Variants in TUBB1 observed in about 807,000 individuals in gnomAD.
The protein encoded by TUBB1 is tubulin beta-1 chain.
TUBB1 carries 28 observed loss-of-function variants against 22.6 expected under a neutral mutation model. The ratio of observed to expected loss-of-function variants is 1.24; its 90% CI spans 0.92 to 1.70. The LOEUF (loss-of-function observed/expected upper bound fraction) is 1.70, where lower values mean the gene tolerates loss of function less well. Ranked by LOEUF, TUBB1 falls within the 40% of genes most tolerant of loss-of-function variation. TUBB1 has a pLI of 0.00. For missense variants in TUBB1, 577 were observed against 605.5 expected (o/e 0.95, Z 0.49); for synonymous variants, 226 against 238.0 (o/e 0.95, Z 0.46).
chr20:59,019,274 G>A, upstream of TUBB1: 1 of 583,896 alleles, frequency 1.7e-6, no homozygotes, highest in Non-Finnish European at 3.1e-6. Flanking sequence ...TCTGTGTTGA[G>A]GGAGGAAAAA....
intron 1 of TUBB1, among the ~76,000 whole-genome samples, chr20:59,022,163 C>T (rs1601237348): frequency 6.6e-6 from 1 of 151,428 alleles, no homozygotes; most frequent in Non-Finnish European, 1.5e-5. Flanking sequence ...GGTGAAACCC[C>T]GTGTCTACTA....
chr20:59,021,956 C>T (rs62205397), intron 1 of TUBB1, among the ~76,000 whole-genome samples: 22,252 of 151,506 alleles, frequency 0.15, 1,719 homozygotes, highest in Non-Finnish European at 0.16. Context: ...GATTGTGCTA[C>T]GGCACTCCAG....
chr20:59,019,464 T>C lies in TUBB1; in HGVS notation c.-59T>C. 2 of 1,600,908 alleles carry C rather than the reference T, an allele frequency of 1.2e-6. No individual in the cohort carries two copies. Among genetic ancestry groups the C allele is most frequent in the Non-Finnish European group, 1.7e-6 (2 of 1,168,066 alleles). On this transcript the variant is annotated 5_prime_UTR_variant, in exon 1 of 4. Transcript: ENST00000217133. Reference sequence around the variant, plus strand: ...TGGGCTCACACCAGTGAACCGAAGCTCTGGATTCTGAGAGTCTGAGGATTC... The same window carrying C: ...TGGGCTCACACCAGTGAACCGAAGCCCTGGATTCTGAGAGTCTGAGGATTC...
rs774969714 is a variant in TUBB1, at chr20:59,024,700, T to C, written c.1273T>C (p.Phe425Leu). ...IHDLVSEYQQ[F>L]QDAKAVLEED... ...TGATTTGGTATCCGAGTACCAACAA[T>C]TTCAAGATGCCAAAGCAGTTCTAGA... The change falls in exon 4 of 4, where the codon TTT becomes CTT. Residue 425 changes from phenylalanine (F) to leucine (L), a missense_variant. Physicochemically the swap from Phe to Leu is conservative, Grantham distance 22. Coordinates refer to ENST00000217133, the MANE Select transcript of TUBB1 (RefSeq NM_030773.4). This position sits in a 1 kb window ranked among gnomAD's most constrained non-coding sequence, Gnocchi z 4.9. 7 of 1,613,958 alleles carry C rather than the reference T, an allele frequency of 4.3e-6. No homozygotes were observed. Among genetic ancestry groups the C allele is most frequent in the Non-Finnish European group, 5.9e-6 (7 of 1,180,038 alleles).
Position 59,023,840 on chromosome 20 carries a change from C to A in TUBB1, c.413C>A (p.Ser138Tyr). ...DCLQGFQIVH[S>Y]LGGGTGSGMG... ...CTGCAGGGCTTCCAGATCGTCCACT[C>A]CCTGGGCGGGGGCACAGGCTCCGGG... Residue 138 changes from serine to tyrosine, a missense_variant, in exon 4 of 4, where the codon TCC (serine) becomes TAC (tyrosine). Transcript: ENST00000217133. 1 of 1,614,144 alleles carries A rather than the reference C, an allele frequency of 6.2e-7. No homozygotes were observed. The highest frequency in any genetic ancestry group is 1.1e-5 in the South Asian group (1 of 91,070).
rs780179652 is a variant in TUBB1 at position 59,022,806 on chromosome 20, T to C, written c.58-39T>C. The C allele has an allele frequency of 6.3e-6, 10 of 1,592,726 alleles. No homozygotes were observed. The South Asian group carries it at 8.8e-5, about 14-fold the overall frequency. ...TTTCTCTGTGGTTAACACAGCCTTT[T>C]TCGGGGTCCGTTTACTCTGACCTTC... On this transcript the variant is annotated intron_variant, in intron 1 of 3. Transcript: ENST00000217133.
chr20:59,019,390 A>C, upstream of TUBB1: 1 of 1,008,324 alleles, frequency 9.9e-7, no homozygotes, highest in Non-Finnish European at 1.6e-6. Flanking sequence ...TCACATTGTG[A>C]GGGTAGCTTG....
Position 59,022,808 on chromosome 20 carries a change from C to T in TUBB1, c.58-37C>T, listed in dbSNP as rs199813033. 56 of 1,590,356 alleles carry T rather than the reference C, an allele frequency of 3.5e-5. 2 individuals are homozygous for T. The highest frequency in any genetic ancestry group is 3.3e-4 in the South Asian group (30 of 90,378). On this transcript the variant is annotated intron_variant, in intron 1 of 3. Transcript: ENST00000217133. Reference sequence around the variant, plus strand: ...TCTCTGTGGTTAACACAGCCTTTTTCGGGGTCCGTTTACTCTGACCTTCCT... The same window carrying T: ...TCTCTGTGGTTAACACAGCCTTTTTTGGGGTCCGTTTACTCTGACCTTCCT...
At chr20:59,022,000 T>C (rs916598452) in intron 1 of TUBB1, among the ~76,000 whole-genome samples, 456 of 146,176 alleles carry the variant, frequency 3.1e-3, no homozygotes, top group Non-Finnish European at 4.4e-3. Context: ...TGTCTCAAAA[T>C]AAATAAATAA....
At chr20:59,019,274 G>C (rs2091957274), upstream of TUBB1, 1 of 583,778 alleles carries the variant, frequency 1.7e-6, no homozygotes, top group Admixed American at 2.8e-5. Context: ...TCTGTGTTGA[G>C]GGAGGAAAAA....
chr20:59,022,871 C>A lies in TUBB1; in HGVS notation c.84C>A (p.His28Gln). ...TCTGGGAGATGATTGGTGAGGAACA[C>A]GGGATCGACTTGGCTGGGAGCGACC... The part of the protein sequence containing the change: ...AKFWEMIGEE[H>Q]GIDLAGSDRG... Residue 28 changes from histidine to glutamine, a missense_variant, in exon 2 of 4, where the codon CAC becomes CAA. By Grantham distance (24) the His-to-Gln change is conservative. Coordinates refer to ENST00000217133, the MANE Select transcript of TUBB1 (RefSeq NM_030773.4). 1.9e-6 allele frequency: 3 copies of A among 1,614,062 alleles called. No individual in the cohort carries two copies. The highest frequency in any genetic ancestry group is 2.5e-6 in the Non-Finnish European group (3 of 1,180,014).
rs2091990067 is a variant in TUBB1, at chr20:59,025,550, T to C, written c.*767T>C. ...TTATATAGTTTAAATTTCTTACTAC[T>C]GTTAGATCCCAGGAATTCATTAATA... On this transcript the variant is annotated 3_prime_UTR_variant, in exon 4 of 4. Transcript: ENST00000217133. 6.6e-6 allele frequency: 1 copy of C among 152,260 alleles called. No homozygotes were observed. Among genetic ancestry groups the C allele is most frequent in the Non-Finnish European group, 1.5e-5 (1 of 68,052 alleles). The allele number at this position is 152,260 out of a possible 1,614,324, so 9.4% of individuals were successfully genotyped here. A position where few individuals can be genotyped will look rare whatever the true frequency, so the allele number is the denominator to read the frequency against.
upstream of TUBB1, among the ~76,000 whole-genome samples, chr20:59,018,117 C>A (rs573773134): frequency 2.0e-5 from 3 of 152,236 alleles, no homozygotes; most frequent in Admixed American, 2.0e-4. Flanking sequence ...TCTCCCCTTC[C>A]GAGCCAGGGC....
chr20:59,024,519 C>T lies in TUBB1; in HGVS notation c.1092C>T (p.Ala364=), dbSNP rs748309213. The change falls in exon 4 of 4, where the codon GCC becomes GCT. Residue 364 remains alanine, a synonymous_variant. Coordinates refer to ENST00000217133, the MANE Select transcript of TUBB1 (RefSeq NM_030773.4). This position sits in a 1 kb window ranked among gnomAD's most constrained non-coding sequence, Gnocchi z 4.9. ...CDIPPRGLSM[A]ATFIGNNTAI... Reference sequence around the variant, plus strand: ...TCCCGCCCCGGGGGCTGAGCATGGCCGCCACCTTCATTGGCAACAACACGG... The same window carrying T: ...TCCCGCCCCGGGGGCTGAGCATGGCTGCCACCTTCATTGGCAACAACACGG... 29 of 1,614,042 alleles carry T rather than the reference C, an allele frequency of 1.8e-5. No individual in the cohort carries two copies. Among genetic ancestry groups the T allele is most frequent in the East Asian group, 2.2e-5 (1 of 44,896 alleles).
chr20:59,022,004 T>TAAACAAACAAAC lies in TUBB1; in HGVS notation c.58-838_58-837insCAAACAAACAAA, dbSNP rs1555809205. On this transcript the variant is annotated intron_variant, in intron 1 of 3. Transcript: ENST00000217133. The stretch of plus-strand genomic sequence containing the variant: ...GAGTGAAACTCTGTCTCAAAATAAA[T>TAAACAAACAAAC]AAATAAACAAACAAACAAACAAACA... Among the ~76,000 whole-genome samples the TAAACAAACAAAC allele has an allele frequency of 2.9e-3, 417 of 146,048 alleles. 9 individuals are homozygous for TAAACAAACAAAC. The highest frequency in any genetic ancestry group is 0.019 in the Admixed American group (275 of 14,804).
At position 59,023,702 on chromosome 20, in the gene TUBB1, C is replaced by T. The variant is rs760514681; in HGVS notation, c.278-3C>T. The T allele has an allele frequency of 3.1e-6, 5 of 1,614,044 alleles. No homozygotes were observed. The African/African-American group carries it at 6.7e-5, about 22-fold the overall frequency. ...CCCTGCTGGTTTCTCTTTTTGGCCA[C>T]AGGTAACTCTGGGGCTGGCAACAAC... On this transcript the variant is annotated splice_polypyrimidine_tract_variant and splice_region_variant and intron_variant, in intron 3 of 3. Coordinates refer to ENST00000217133, the MANE Select transcript of TUBB1 (RefSeq NM_030773.4).
chr20:59,019,875 ACAT>A (rs2091960182), intron 1 of TUBB1, among the ~76,000 whole-genome samples: 1 of 152,322 alleles, frequency 6.6e-6, no homozygotes, highest in Admixed American at 6.5e-5. Context: ...CCATTATATT[ACAT>A]AATACGTTTA....
Position 59,019,595 on chromosome 20 carries a change from T to C in TUBB1, c.57+16T>C. 3 of 1,613,950 alleles carry C rather than the reference T, an allele frequency of 1.9e-6. No individual in the cohort carries two copies. Among genetic ancestry groups the C allele is most frequent in the Non-Finnish European group, 2.5e-6 (3 of 1,179,834 alleles). ...CGGAGCCAAGGTAAGTAATGTCTGG[T>C]TACTAATCCTAGCTTTACCACAGTC... On this transcript the variant is annotated intron_variant, in intron 1 of 3. Transcript: ENST00000217133.
At chr20:59,019,940 A>C (rs2091960481) in intron 1 of TUBB1, among the ~76,000 whole-genome samples, 1 of 152,188 alleles carries the variant, frequency 6.6e-6, no homozygotes, top group Non-Finnish European at 1.5e-5. Context: ...GAGTGGCAGA[A>C]TCATGGCTCA....
Sources: allele counts gnomAD v4.1 joint callset (sites outside exome capture counted in the v4.1 genomes callset), GRCh38; gene constraint gnomAD v4.1.1; non-coding constraint Gnocchi (gnomAD v3.1); transcripts MANE v1.5; gene names NCBI Gene and HGNC (gene_info 2026-07-23, HGNC 2026-07-21).